The following ADK variants were observed in gnomAD, a reference collection of about 807,000 sequenced individuals.
ADK encodes adenosine kinase.
A neutral mutation model predicts 44.7 loss-of-function variants in ADK; 24 were observed. The ratio of observed to expected loss-of-function variants is 0.54; its 90% CI spans 0.39 to 0.76. The LOEUF is 0.76. Among genes scored for constraint, ADK ranks in the 30% least tolerant of loss-of-function variants. ADK has a pLI of 0.00. For missense variants in ADK, 321 were observed against 425.1 expected, an observed-to-expected ratio of 0.76 and a Z score of 2.15; for synonymous variants, 128 against 142.6, an observed-to-expected ratio of 0.90 and a Z score of 0.73.
intron 4 of ADK, among the ~76,000 whole-genome samples, chr10:74,316,565 G>A (rs1260051465): frequency 3.3e-5 from 5 of 152,168 alleles, no homozygotes; most frequent in African/African-American, 7.2e-5. Context: ...TTGCTGCCTT[G>A]TAAAGAAGAT....
chr10:74,388,229 TACA>T (rs142357242), intron 4 of ADK, among the ~76,000 whole-genome samples: 2,028 of 152,310 alleles, frequency 0.013, 47 homozygotes, highest in African/African-American at 0.046. Context: ...TTCTAATTCT[TACA>T]ACATCCTTAA....
chr10:74,195,707 C>CTTTTT (rs71475265), intron 1 of ADK, among the ~76,000 whole-genome samples: 437 of 97,436 alleles, frequency 4.5e-3, no homozygotes, highest in Non-Finnish European at 6.6e-3. Context: ...TCTTTTCTTT[C>CTTTTT]TTTTTTTTTT....
At chr10:74,422,132 TA>T in intron 6 of ADK, among the ~76,000 whole-genome samples, 1 of 152,306 alleles carries the variant, frequency 6.6e-6, no homozygotes, top group South Asian at 2.1e-4. Context: ...CTATGTTAAC[TA>T]AGTGATCAAG....
At chr10:74,323,384 G>A (rs886686754) in intron 4 of ADK, among the ~76,000 whole-genome samples, 1 of 152,088 alleles carries the variant, frequency 6.6e-6, no homozygotes, top group African/African-American at 2.4e-5. Flanking sequence ...ATATTTAATT[G>A]TATTGATTTT....
chr10:74,631,994 A>G (rs1230735131), intron 9 of ADK, among the ~76,000 whole-genome samples: 2 of 151,648 alleles, frequency 1.3e-5, no homozygotes, highest in Non-Finnish European at 2.9e-5. Flanking sequence ...ACACCATACA[A>G]TTTCCTTATT....
chr10:74,525,952 G>A (rs1849022895), intron 7 of ADK, among the ~76,000 whole-genome samples: 1 of 152,054 alleles, frequency 6.6e-6, no homozygotes, highest in African/African-American at 2.4e-5. Context: ...ACTGTGCCCG[G>A]CCCAACATTT....
intron 6 of ADK, among the ~76,000 whole-genome samples, chr10:74,497,531 G>A (rs1847734720): frequency 6.6e-6 from 1 of 152,150 alleles, no homozygotes; most frequent in South Asian, 2.1e-4. Context: ...AGTGCTATGT[G>A]CCAGGCATGG....
intron 7 of ADK, among the ~76,000 whole-genome samples, chr10:74,571,260 G>T (rs1298817162): frequency 6.6e-6 from 1 of 151,998 alleles, no homozygotes; most frequent in Non-Finnish European, 1.5e-5. Context: ...TTTTTTTGTT[G>T]TGTCTCTGCC....
intron 2 of ADK, among the ~76,000 whole-genome samples, chr10:74,201,764 C>T (rs182480622): frequency 1.3e-5 from 2 of 151,762 alleles, no homozygotes; most frequent in Admixed American, 6.6e-5. Context: ...GTTTCAGATA[C>T]CCACTGGTCA....
At chr10:74,660,002 T>C (rs1854638957) in intron 9 of ADK, among the ~76,000 whole-genome samples, 1 of 152,234 alleles carries the variant, frequency 6.6e-6, no homozygotes, top group African/African-American at 2.4e-5. Flanking sequence ...AGATTAATAA[T>C]ATCCTTGTCC....
intron 6 of ADK, among the ~76,000 whole-genome samples, chr10:74,415,283 T>C (rs1040399442): frequency 2.0e-5 from 3 of 152,260 alleles, no homozygotes; most frequent in Non-Finnish European, 4.4e-5. Context: ...GTTTACTTTA[T>C]GTATTTTAGA....
chr10:74,399,208 T>G (rs1370142563), intron 6 of ADK, among the ~76,000 whole-genome samples: 1 of 151,418 alleles, frequency 6.6e-6, no homozygotes, highest in Non-Finnish European at 1.5e-5. Context: ...TTGTTTTTAT[T>G]TAATATGTGT....
At chr10:74,694,147 A>ATTTTTTTTTTTTTTTTTTTTTTTTTTT (rs10669118) in intron 10 of ADK, among the ~76,000 whole-genome samples, 1 of 82,304 alleles carries the variant, frequency 1.2e-5, no homozygotes, top group African/African-American at 4.9e-5. Flanking sequence ...TTTCAAACAC[A>ATTTTTTTTTTTTTTTTTTTTTTTTTTT]TTTTTTTTTT....
chr10:74,231,463 AGTTTTTTTTTT>A (rs1354150986), intron 3 of ADK, among the ~76,000 whole-genome samples: 3 of 151,456 alleles, frequency 2.0e-5, no homozygotes, highest in Admixed American at 1.3e-4. Context: ...ATGTAAGAAA[AGTTTTTTTTTT>A]GTTTTTTTTT....
At chr10:74,479,765 AG>A in intron 6 of ADK, among the ~76,000 whole-genome samples, 1 of 152,154 alleles carries the variant, frequency 6.6e-6, no homozygotes, top group East Asian at 1.9e-4. Context: ...CTCTCCAATC[AG>A]TTTTAAATGA....
intron 9 of ADK, among the ~76,000 whole-genome samples, chr10:74,627,750 A>G (rs1489793511): frequency 6.6e-6 from 1 of 152,006 alleles, no homozygotes; most frequent in Non-Finnish European, 1.5e-5. Context: ...CTCCCACCTC[A>G]ACCTCCCCAG....
intron 2 of ADK, among the ~76,000 whole-genome samples, chr10:74,221,205 A>G (rs1455348246): frequency 6.6e-6 from 1 of 152,002 alleles, no homozygotes; most frequent in Admixed American, 6.6e-5. Flanking sequence ...CAAAAATCAC[A>G]AGCATTTTTA....
Position 74,708,375 on chromosome 10 carries a change from G to A in ADK, c.1019G>A (p.Gly340Asp). 10 of 1,612,760 alleles carry A rather than the reference G, an allele frequency of 6.2e-6. No individual in the cohort carries two copies. The highest frequency in any genetic ancestry group is 8.5e-6 in the Non-Finnish European group (10 of 1,179,650). The stretch of plus-strand genomic sequence containing the variant: ...CCTCTGACTGAATGTATCCGTGCTG[G>A]CCACTATGCAGCAAGCATCATAATT... ...DKPLTECIRA[G>D]HYAASIIIRR... is the part of the protein sequence containing the mutation. Residue 340 changes from glycine to aspartate, a missense_variant, in exon 11 of 11, where the codon GGC becomes GAC. Physicochemically the swap from Gly to Asp is moderately conservative, Grantham distance 94 (BLOSUM62 -1). Coordinates refer to ENST00000539909, the MANE Select transcript of ADK (RefSeq NM_006721.4).
intron 3 of ADK, among the ~76,000 whole-genome samples, chr10:74,293,427 C>G (rs1356782757): frequency 6.6e-6 from 1 of 152,114 alleles, no homozygotes; most frequent in Admixed American, 6.6e-5. Context: ...TACGATGCTT[C>G]TCAGAGGGTT....
Sources: gnomAD v4.1 joint callset for allele counts (sites outside exome capture counted in the v4.1 genomes callset) on GRCh38, gnomAD v4.1.1 for gene constraint, MANE v1.5 for transcripts, NCBI Gene and HGNC (gene_info 2026-07-23, HGNC 2026-07-21) for gene names.